Variants in EPB41 observed in about 807,000 individuals in gnomAD.
The protein encoded by EPB41 is protein 4.1.
A neutral mutation model predicts 108.0 loss-of-function variants in EPB41; 65 were observed. That is an observed-to-expected ratio of 0.60 (90% confidence interval 0.49 to 0.74). The LOEUF is 0.74. Among genes scored for constraint, EPB41 ranks in the 30% least tolerant of loss-of-function variants. The pLI is 0.00. For synonymous variants in EPB41, 336 were observed against 358.9 expected (o/e 0.94, Z 0.72); for missense variants, 875 against 1,037.0 (o/e 0.84, Z 2.15).
At chr1:29,066,274 C>T (rs1158025153) in intron 16 of EPB41, among the ~76,000 whole-genome samples, 1 of 151,980 alleles carries the variant, frequency 6.6e-6, no homozygotes, top group Non-Finnish European at 1.5e-5. Context: ...CAAAAATTAG[C>T]CGGGCATGGT....
At chr1:28,910,429 C>G (rs1313104758), upstream of EPB41, among the ~76,000 whole-genome samples, 3 of 152,200 alleles carry the variant, frequency 2.0e-5, no homozygotes, top group Non-Finnish European at 4.4e-5. Flanking sequence ...CTGTTCAGAA[C>G]ACTTTGTTGG....
chr1:28,987,285 A>G, intron 1 of EPB41, 146 bp from the exon 2 acceptor site: 1 of 686,656 alleles, frequency 1.5e-6, no homozygotes, highest in Non-Finnish European at 2.5e-6. Context: ...TTGTAATTTA[A>G]TGGAAAGTCT....
Position 29,102,071 on chromosome 1 carries a change from AAAAG to A in EPB41, c.2313+4141_2313+4144del, listed in dbSNP as rs558274424. 3.7e-3 allele frequency among the ~76,000 whole-genome samples: 566 copies of A among 152,356 alleles called. 7 individuals are homozygous for A. The highest frequency in any genetic ancestry group is 0.013 in the African/African-American group (526 of 41,594). ...AGGTCTTGGCAGTGAAGGGGACTGA[AAAAG>A]AAAGGAATAGGAAATTACTTAAAAA... is the stretch of plus-strand genomic sequence containing the variant. On this transcript the variant is annotated intron_variant, in intron 17 of 20. Transcript: ENST00000343067.
At chr1:28,977,365 A>T (rs951322842) in intron 1 of EPB41, among the ~76,000 whole-genome samples, 2 of 151,146 alleles carry the variant, frequency 1.3e-5, no homozygotes, top group African/African-American at 2.4e-5. Context: ...ATAACCATTC[A>T]GTCTTTTCAG....
intron 1 of EPB41, among the ~76,000 whole-genome samples, chr1:28,918,168 C>G (rs2092820598): frequency 6.6e-6 from 1 of 152,044 alleles, no homozygotes; most frequent in South Asian, 2.1e-4. Context: ...TTTTCTGTCT[C>G]AGCCTCCTGA....
intron 1 of EPB41, among the ~76,000 whole-genome samples, chr1:28,927,277 T>A (rs971048124): frequency 3.3e-5 from 5 of 152,222 alleles, no homozygotes; most frequent in Non-Finnish European, 7.3e-5. Context: ...TTTTTGCTTT[T>A]ATACATTTTG....
At chr1:29,017,963 A>G (rs953511915) in intron 6 of EPB41, among the ~76,000 whole-genome samples, 4 of 152,126 alleles carry the variant, frequency 2.6e-5, no homozygotes, top group Admixed American at 6.6e-5. Context: ...AATGTGTCCA[A>G]TATAGTTACA....
intron 1 of EPB41, among the ~76,000 whole-genome samples, chr1:28,957,911 G>A (rs1179872577): frequency 6.6e-6 from 1 of 151,980 alleles, no homozygotes. Context: ...TATAATTCCA[G>A]CAAATACCTT....
At chr1:28,997,645 T>A (rs2096211400) in intron 4 of EPB41, among the ~76,000 whole-genome samples, 1 of 152,150 alleles carries the variant, frequency 6.6e-6, no homozygotes, top group Non-Finnish European at 1.5e-5. Flanking sequence ...GTATTGTATC[T>A]AATGCATAGG....
intron 1 of EPB41, among the ~76,000 whole-genome samples, chr1:28,964,727 C>G (rs2095318344): frequency 6.6e-6 from 1 of 152,096 alleles, no homozygotes; most frequent in Non-Finnish European, 1.5e-5. Context: ...CCTAATCTAC[C>G]CTTGCCTGGT....
At chr1:28,931,213 A>G (rs181193554) in intron 1 of EPB41, among the ~76,000 whole-genome samples, 1 of 152,034 alleles carries the variant, frequency 6.6e-6, no homozygotes, top group East Asian at 1.9e-4. Context: ...AGCCAGGGCA[A>G]CATATGATAC....
intron 1 of EPB41, among the ~76,000 whole-genome samples, chr1:28,957,342 G>A (rs539871438): frequency 6.6e-6 from 1 of 152,338 alleles, no homozygotes; most frequent in Non-Finnish European, 1.5e-5. Flanking sequence ...ACTATATGTA[G>A]AGACTGTCAA....
intron 1 of EPB41, among the ~76,000 whole-genome samples, chr1:28,960,122 C>A (rs2095141796): frequency 1.3e-5 from 2 of 151,590 alleles, no homozygotes; most frequent in Non-Finnish European, 2.9e-5. Context: ...CCTGCCTCAG[C>A]CTCCCAGAAG....
chr1:28,901,519 G>C (rs531848111), intron 1 of EPB41, among the ~76,000 whole-genome samples: 2 of 151,474 alleles, frequency 1.3e-5, no homozygotes, highest in South Asian at 4.2e-4. Flanking sequence ...CACTGCACTC[G>C]GCCTATTTTT....
chr1:28,992,598 A>G (rs556056883), intron 2 of EPB41, among the ~76,000 whole-genome samples: 1 of 152,298 alleles, frequency 6.6e-6, no homozygotes, highest in Non-Finnish European at 1.5e-5. Flanking sequence ...CCCAGGCAGG[A>G]GAATCGCTTG....
chr1:29,061,084 A>G (rs1000594380), intron 15 of EPB41, among the ~76,000 whole-genome samples: 1 of 152,146 alleles, frequency 6.6e-6, no homozygotes, highest in African/African-American at 2.4e-5. Context: ...TTGAACCTCA[A>G]AGAGATTAAG....
intron 11 of EPB41, among the ~76,000 whole-genome samples, chr1:29,045,905 G>A (rs1410291333): frequency 6.6e-6 from 1 of 151,548 alleles, no homozygotes; most frequent in African/African-American, 2.4e-5. Context: ...CAGCCTAGGA[G>A]GTTAAGGCTG....
chr1:28,935,812 G>A (rs369289297), intron 1 of EPB41, among the ~76,000 whole-genome samples: 8 of 151,858 alleles, frequency 5.3e-5, no homozygotes, highest in Non-Finnish European at 1.0e-4. Context: ...CCAGCTACTC[G>A]GGAGGCTGAG....
chr1:28,953,183 C>G (rs1338517313), intron 1 of EPB41, among the ~76,000 whole-genome samples: 2 of 151,516 alleles, frequency 1.3e-5, no homozygotes, highest in Non-Finnish European at 2.9e-5. Flanking sequence ...ATACTCTTAT[C>G]TCTCTCTCTC....
Sources: allele counts gnomAD v4.1 joint callset (sites outside exome capture counted in the v4.1 genomes callset), GRCh38; gene constraint gnomAD v4.1.1; transcripts MANE v1.5; gene names NCBI Gene and HGNC (gene_info 2026-07-23, HGNC 2026-07-21).